CPS1: variants seen among roughly 807,000 people sequenced by gnomAD.
The protein encoded by CPS1 is carbamoyl-phosphate synthase 1, also known as carbamoyl-phosphate synthase [ammonia], mitochondrial.
A neutral mutation model predicts 174.6 loss-of-function variants in CPS1; 109 were observed. The observed-to-expected ratio is 0.62, with a 90% confidence interval of 0.53 to 0.73. CPS1 has a LOEUF of 0.73. Ranked by LOEUF, CPS1 falls within the 30% of genes least tolerant of loss-of-function variation. CPS1 has a pLI of 0.00. For missense variants in CPS1, 1,689 were observed against 1,821.9 expected (o/e 0.93, Z 1.33); for synonymous variants, 637 against 632.0 (o/e 1.01, Z -0.12).
chr2:210,576,366 A>G lies in CPS1; in HGVS notation c.257A>G (p.Asp86Gly). 6.2e-7 allele frequency: 1 copy of G among 1,613,688 alleles called. No individual in the cohort carries two copies. Among genetic ancestry groups the G allele is most frequent in the East Asian group, 2.2e-5 (1 of 44,846 alleles). Residue 86 changes from aspartate to glycine, a missense_variant, in exon 3 of 38, where the codon GAC (aspartate) becomes GGC (glycine). Asp to Gly is a moderately conservative substitution (Grantham distance 94). Coordinates refer to ENST00000233072, the MANE Select transcript of CPS1 (RefSeq NM_001875.5). ...CCCAGGTACCCAGAAGCTATTACTGACCCTGCCTACAAAGGACAGATTCTC... is the reference window on the plus strand; with the variant it reads ...CCCAGGTACCCAGAAGCTATTACTGGCCCTGCCTACAAAGGACAGATTCTC... ...GLGGYPEAIT[D>G]PAYKGQILTM...
At chr2:210,610,069 A>G (rs143567756) in intron 19 of CPS1, among the ~76,000 whole-genome samples, 1 of 152,088 alleles carries the variant, frequency 6.6e-6, no homozygotes, top group African/African-American at 2.4e-5. Flanking sequence ...GTTGTTTTAA[A>G]TCTTATTTTT....
chr2:210,653,897 T>C (rs529941725), intron 28 of CPS1, 128 bp from the exon 29 acceptor site: 3 of 751,982 alleles, frequency 4.0e-6, no homozygotes, highest in East Asian at 5.2e-5. Context: ...GTTTATGTAG[T>C]TATGTTCAGC....
chr2:210,493,781 G>A (rs886666303), intron 1 of CPS1, among the ~76,000 whole-genome samples: 2 of 152,142 alleles, frequency 1.3e-5, no homozygotes, highest in Non-Finnish European at 2.9e-5. Context: ...TGGCAGTAAC[G>A]TTTCCCTAGG....
At chr2:210,607,301 A>T (rs1698947714) in intron 18 of CPS1, among the ~76,000 whole-genome samples, 1 of 151,964 alleles carries the variant, frequency 6.6e-6, no homozygotes, top group African/African-American at 2.4e-5. Flanking sequence ...ATAGCCCTAT[A>T]GCAAATAGTT....
At chr2:210,662,959 C>A (rs922451791) in intron 32 of CPS1, among the ~76,000 whole-genome samples, 164 bp from the exon 33 acceptor site, 3 of 151,806 alleles carry the variant, frequency 2.0e-5, no homozygotes, top group Non-Finnish European at 4.4e-5. Flanking sequence ...AGTTTTAAAG[C>A]CATCTTTCAA....
chr2:210,535,027 G>A (rs6711129), intron 1 of CPS1, among the ~76,000 whole-genome samples: 30,765 of 152,158 alleles, frequency 0.2, 3,662 homozygotes, highest in Middle Eastern at 0.33. Context: ...ACATGCTCAG[G>A]CTCTACACCT....
chr2:210,522,092 G>T (rs1037406205), intron 1 of CPS1, among the ~76,000 whole-genome samples: 1 of 151,874 alleles, frequency 6.6e-6, no homozygotes, highest in African/African-American at 2.4e-5. Flanking sequence ...TAGTTTTTCT[G>T]TTCCCTCTGA....
chr2:210,527,831 G>A (rs181175470), intron 1 of CPS1, among the ~76,000 whole-genome samples: 6 of 151,880 alleles, frequency 4.0e-5, no homozygotes, highest in African/African-American at 1.4e-4. Flanking sequence ...AGAATTTTTT[G>A]TGGGGGAGAG....
In CPS1 at chr2:210,602,449, G is replaced by A. The variant is rs1343831398; in HGVS notation, c.1836+119G>A. The A allele has an allele frequency of 4.6e-6, 6 of 1,308,364 alleles. No homozygotes were observed. The East Asian group carries it at 1.2e-4, about 26-fold the overall frequency. 81.0% of individuals were successfully genotyped at this position (1,308,364 alleles called of 1,614,324 possible). On this transcript the variant is annotated intron_variant, in intron 16 of 37. Transcript: ENST00000233072. Reference sequence around the variant, plus strand: ...ATTTTCTTTATTAAATCATGATCATGTTCTCCAAAAGCGTATTCCAAAAGA... The same window carrying A: ...ATTTTCTTTATTAAATCATGATCATATTCTCCAAAAGCGTATTCCAAAAGA...
chr2:210,602,447 A>G, intron 16 of CPS1, 117 bp downstream of exon 16: 4 of 1,309,864 alleles, frequency 3.1e-6, no homozygotes, highest in Non-Finnish European at 4.4e-6. Context: ...AATCATGATC[A>G]TGTTCTCCAA....
intron 1 of CPS1, among the ~76,000 whole-genome samples, chr2:210,492,575 T>G (rs1694899735): frequency 6.6e-6 from 1 of 151,978 alleles, no homozygotes; most frequent in Non-Finnish European, 1.5e-5. Context: ...TTTTTTTTTT[T>G]GCCTATCTTG....
At position 210,556,779 on chromosome 2, in the gene CPS1, A is replaced by T. The variant is rs1400264761; in HGVS notation, c.46A>T (p.Thr16Ser). 6.2e-7 allele frequency: 1 copy of T among 1,613,164 alleles called. No individual in the cohort carries two copies. Among genetic ancestry groups the T allele is most frequent in the Non-Finnish European group, 8.5e-7 (1 of 1,179,382 alleles). ...TAFKVVRTLK[T>S]GFGFTNVTAH... ...TTTCAAAGTGGTGAGGACACTGAAG[A>T]CTGGTTTTGGCTTTACCAATGTGAC... is the stretch of plus-strand genomic sequence containing the variant. The change falls in exon 1 of 38, where the codon ACT becomes TCT. Residue 16 changes from threonine to serine, a missense_variant. Coordinates refer to ENST00000233072, the MANE Select transcript of CPS1 (RefSeq NM_001875.5).
intron 2 of CPS1, among the ~76,000 whole-genome samples, chr2:210,575,909 A>G (rs1219788356): frequency 6.6e-6 from 1 of 152,106 alleles, no homozygotes; most frequent in Non-Finnish European, 1.5e-5. Flanking sequence ...AAAACTTTTC[A>G]ATGTTTCGAT....
At chr2:210,492,136 A>G (rs1457626175) in intron 1 of CPS1, among the ~76,000 whole-genome samples, 1 of 152,246 alleles carries the variant, frequency 6.6e-6, no homozygotes, top group East Asian at 1.9e-4. Context: ...TTTCTGTGCA[A>G]TACCATGTTA....
chr2:210,645,351 T>A (rs1700347709), intron 25 of CPS1, among the ~76,000 whole-genome samples: 2 of 152,206 alleles, frequency 1.3e-5, no homozygotes, highest in South Asian at 2.1e-4. Context: ...AGTAGTTTTT[T>A]AAAAATAGCT....
intron 1 of CPS1, among the ~76,000 whole-genome samples, chr2:210,517,626 G>T (rs1358817696): frequency 6.6e-6 from 1 of 151,956 alleles, no homozygotes; most frequent in African/African-American, 2.4e-5. Context: ...TAATGGCAAA[G>T]AAAAATGATA....
intron 6 of CPS1, among the ~76,000 whole-genome samples, chr2:210,587,071 T>A (rs1028177589): frequency 6.2e-4 from 61 of 98,538 alleles, no homozygotes; most frequent in African/African-American, 2.5e-3. Context: ...AGGATTAGGG[T>A]ATTTTTTTTT....
chr2:210,611,984 T>C (rs62203718), intron 19 of CPS1, 133 bp from the exon 20 acceptor site: 1 of 806,300 alleles, frequency 1.2e-6, no homozygotes, highest in African/African-American at 1.8e-5. Flanking sequence ...TTTTTTTTTT[T>C]AATTTGAGAG....
intron 7 of CPS1, 24 bp downstream of exon 7, chr2:210,588,171 G>C: frequency 6.3e-7 from 1 of 1,598,164 alleles, no homozygotes; most frequent in East Asian, 2.2e-5. Flanking sequence ...TCATTTCAAA[G>C]GTGAGGGTTT....
Sources: allele counts gnomAD v4.1 joint callset (sites outside exome capture counted in the v4.1 genomes callset), GRCh38; gene constraint gnomAD v4.1.1; transcripts MANE v1.5; gene names NCBI Gene and HGNC (gene_info 2026-07-23, HGNC 2026-07-21).